Variants in ACO2 observed in about 807,000 individuals in gnomAD.
ACO2 encodes the protein aconitate hydratase, mitochondrial.
A neutral mutation model predicts 84.5 loss-of-function variants in ACO2; 31 were observed. The observed-to-expected ratio is 0.37, with a 90% confidence interval of 0.28 to 0.50. The LOEUF (loss-of-function observed/expected upper bound fraction) is 0.50, where lower values mean the gene tolerates loss of function less well. Ranked by LOEUF, ACO2 falls within the 20% of genes least tolerant of loss-of-function variation. ACO2 has a pLI of 0.97. For synonymous variants in ACO2, 414 were observed against 412.7 expected, an observed-to-expected ratio of 1.00 and a Z score of -0.04; for missense variants, 685 against 1,029.3, an observed-to-expected ratio of 0.67 and a Z score of 4.58.
At chr22:41,497,261 G>C (rs1347518004) in intron 1 of ACO2, among the ~76,000 whole-genome samples, 1 of 151,794 alleles carries the variant, frequency 6.6e-6, no homozygotes, top group Admixed American at 6.6e-5. Flanking sequence ...TAGAGACAGG[G>C]TTTCACCACG....
intron 7 of ACO2, 63 bp from the exon 8 acceptor site, chr22:41,518,418 G>A: frequency 7.6e-7 from 1 of 1,308,572 alleles, no homozygotes; most frequent in South Asian, 1.2e-5. Context: ...GGTGGGTGGT[G>A]AGTGAACTCT....
In ACO2 at chr22:41,469,201, C is replaced by T. The variant is rs1471335282; in HGVS notation, c.36+19C>T. On this transcript the variant is annotated intron_variant, in intron 1 of 17. Coordinates refer to ENST00000216254, the MANE Select transcript of ACO2 (RefSeq NM_001098.3). ...GCTGCAGGTGAGCGAGCTCAGGGAC[C>T]TCTGGGTTCACGGGGGCGGGGTGCC... 3 of 1,605,758 alleles carry T rather than the reference C, an allele frequency of 1.9e-6. No homozygotes were observed. The highest frequency in any genetic ancestry group is 2.6e-6 in the Non-Finnish European group (3 of 1,176,138).
Position 41,515,898 on chromosome 22 carries a change from A to C in ACO2, c.816A>C (p.Val272=). Residue 272 remains valine (V), a synonymous_variant, in exon 6 of 18, where the codon GTA becomes GTC. Transcript: ENST00000216254. This position sits in a 1 kb window ranked among gnomAD's most constrained non-coding sequence, Gnocchi z 5.8. ...TCGTGGAATACCACGGGCCTGGTGT[A>C]GACTCCATCTCCTGCACTGGTGAGG... ...GAIVEYHGPG[V]DSISCTGMAT... 1 of 1,614,148 alleles carries C rather than the reference A, an allele frequency of 6.2e-7. No individual in the cohort carries two copies. The highest frequency in any genetic ancestry group is 8.5e-7 in the Non-Finnish European group (1 of 1,179,982).
chr22:41,513,995 C>T (rs1403628863), intron 4 of ACO2, among the ~76,000 whole-genome samples: 1 of 146,246 alleles, frequency 6.8e-6, no homozygotes, highest in Non-Finnish European at 1.6e-5. Context: ...TTCTGTGTGC[C>T]CAGCCTTCGT....
At chr22:41,480,216 T>G (rs572452387) in intron 1 of ACO2, among the ~76,000 whole-genome samples, 5 of 152,320 alleles carry the variant, frequency 3.3e-5, no homozygotes, top group African/African-American at 1.2e-4. Flanking sequence ...GTTGCCCACT[T>G]AGACAGAGTC....
At chr22:41,506,200 G>A (rs1055166556) in intron 2 of ACO2, among the ~76,000 whole-genome samples, 4 of 151,768 alleles carry the variant, frequency 2.6e-5, no homozygotes, top group Non-Finnish European at 4.4e-5. Context: ...TGATCCTCCC[G>A]CCTCAGCCTC....
In ACO2 at chr22:41,499,788, G is replaced by A. The variant is rs771285589; in HGVS notation, c.99G>A (p.Ala33=). ...TCCTGTGCCAACGGGCCAAGGTGGC[G>A]ATGAGCCACTTTGAGCCCAACGAGT... The part of the protein sequence containing the change: ...ASVLCQRAKV[A]MSHFEPNEYI... The change falls in exon 2 of 18, where the codon GCG becomes GCA. Residue 33 remains alanine, a synonymous_variant. Transcript: ENST00000216254. The A allele has an allele frequency of 1.9e-6, 3 of 1,613,938 alleles. No homozygotes were observed. Among genetic ancestry groups the A allele is most frequent in the African/African-American group, 1.3e-5 (1 of 74,932 alleles).
intron 13 of ACO2, 62 bp from the exon 14 acceptor site, chr22:41,525,131 A>G: frequency 1.9e-6 from 3 of 1,598,588 alleles, no homozygotes; most frequent in South Asian, 1.1e-5. Flanking sequence ...TTGCCTTCTG[A>G]GAGTCTGTCC....
At position 41,515,875 on chromosome 22, in the gene ACO2, G is replaced by A. The variant is rs1211716554; in HGVS notation, c.793G>A (p.Val265Met). The A allele has an allele frequency of 6.2e-6, 10 of 1,614,214 alleles. No homozygotes were observed. The East Asian group carries it at 1.3e-4, about 22-fold the overall frequency. The change falls in exon 6 of 18, where the codon GTG becomes ATG. Residue 265 changes from valine to methionine, a missense_variant. By Grantham distance (21) the Val-to-Met change is conservative. This residue lies in a region of ACO2 where 311 missense variants were observed against 441.6 expected (regional missense o/e 0.70). Transcript: ENST00000216254. This position sits in a 1 kb window ranked among gnomAD's most constrained non-coding sequence, Gnocchi z 5.8. ...GGTGAAAGGTGGCACAGGTGCAATC[G>A]TGGAATACCACGGGCCTGGTGTAGA... ...LTVKGGTGAI[V>M]EYHGPGVDSI... is the part of the protein sequence containing the mutation.
chr22:41,527,223 A>G, intron 15 of ACO2, 65 bp from the exon 16 acceptor site: 2 of 1,611,530 alleles, frequency 1.2e-6, no homozygotes, highest in Non-Finnish European at 8.5e-7. Flanking sequence ...CCAGGCAGGT[A>G]GGGCCAGACA....
intron 1 of ACO2, among the ~76,000 whole-genome samples, chr22:41,474,610 T>G (rs2037987823): frequency 8.6e-6 from 1 of 116,698 alleles, no homozygotes; most frequent in Admixed American, 9.0e-5. Context: ...TTTTTTTTTT[T>G]TTTTTTGAGA....
Position 41,507,935 on chromosome 22 carries a change from C to T in ACO2, c.318C>T (p.Ala106=), listed in dbSNP as rs2066406351. ...VAMQDATAQM[A]MLQFISSGLS... ...TGCAGGATGCGACGGCCCAGATGGC[C>T]ATGCTCCAGTTCATCAGCAGCGGGC... Residue 106 remains alanine, a synonymous_variant, in exon 3 of 18, where the codon GCC becomes GCT. Coordinates refer to ENST00000216254, the MANE Select transcript of ACO2 (RefSeq NM_001098.3). The T allele has an allele frequency of 1.2e-6, 2 of 1,614,246 alleles. No individual in the cohort carries two copies. Among genetic ancestry groups the T allele is most frequent in the Non-Finnish European group, 1.7e-6 (2 of 1,180,048 alleles).
intron 1 of ACO2, among the ~76,000 whole-genome samples, chr22:41,487,028 C>T (rs1001213929): frequency 1.3e-5 from 2 of 152,054 alleles, no homozygotes; most frequent in Non-Finnish European, 2.9e-5. Flanking sequence ...GGATTACAGG[C>T]GCCCACCACT....
chr22:41,516,210 C>T (rs2066475132), intron 6 of ACO2: 1 of 601,278 alleles, frequency 1.7e-6, no homozygotes, highest in Non-Finnish European at 3.0e-6. Flanking sequence ...TGGGCCCAGG[C>T]CATAGCACTA....
Position 41,508,018 on chromosome 22 carries a change from T to C in ACO2, c.401T>C (p.Val134Ala), listed in dbSNP as rs755799401. 6.2e-6 allele frequency: 10 copies of C among 1,613,150 alleles called. No homozygotes were observed. Among genetic ancestry groups the C allele is most frequent in the Non-Finnish European group, 8.5e-6 (10 of 1,179,206 alleles). The change falls in exon 3 of 18, where the codon GTT becomes GCT. Residue 134 changes from valine to alanine, a missense_variant. Physicochemically the swap from Val to Ala is moderately conservative, Grantham distance 64 (BLOSUM62 0). Transcript: ENST00000216254. ...IHCDHLIEAQVGGEKDLRRAK... is the reference protein window; with the variant it reads ...IHCDHLIEAQAGGEKDLRRAK... ...TGTGACCATCTGATTGAAGCCCAGG[T>C]TGGGGGCGAGAAAGACCTGCGCCGG...
At chr22:41,527,185 A>G in intron 15 of ACO2, 103 bp from the exon 16 acceptor site, 1 of 1,566,462 alleles carries the variant, frequency 6.4e-7, no homozygotes, top group Non-Finnish European at 8.7e-7. Flanking sequence ...CGGGAGCCTC[A>G]GGATGCCCAG....
intron 1 of ACO2, among the ~76,000 whole-genome samples, chr22:41,492,940 G>A (rs551239209): frequency 5.3e-5 from 8 of 152,128 alleles, no homozygotes; most frequent in African/African-American, 1.9e-4. Context: ...GTGAAACTCC[G>A]TCTCAAAAAA....
intron 9 of ACO2, chr22:41,521,212 C>G (rs2066524016): frequency 6.6e-6 from 1 of 152,220 alleles, no homozygotes; most frequent in Non-Finnish European, 1.5e-5. Flanking sequence ...TGCTGTGTTT[C>G]TGTGTATTGT....
At position 41,525,362 on chromosome 22, in the gene ACO2, G is replaced by A; in HGVS notation, c.1761+14G>A. 6.2e-7 allele frequency: 1 copy of A among 1,612,664 alleles called. No homozygotes were observed. The highest frequency in any genetic ancestry group is 1.3e-5 in the African/African-American group (1 of 75,028). On this transcript the variant is annotated intron_variant, in intron 14 of 17. Coordinates refer to ENST00000216254, the MANE Select transcript of ACO2 (RefSeq NM_001098.3). ...ATCCTCATCAAGGTCAGCAGCATGG[G>A]GACGGCAGGACAGCCCCACCCTGCC...
Sources: allele counts gnomAD v4.1 joint callset (sites outside exome capture counted in the v4.1 genomes callset), GRCh38; gene constraint gnomAD v4.1.1; regional missense constraint gnomAD v4.1.1; non-coding constraint Gnocchi (gnomAD v3.1); transcripts MANE v1.5; gene names NCBI Gene and HGNC (gene_info 2026-07-23, HGNC 2026-07-21).